HIPK2: variants seen among roughly 807,000 people sequenced by gnomAD.
The protein encoded by HIPK2 is homeodomain-interacting protein kinase 2.
A neutral mutation model predicts 113.7 loss-of-function variants in HIPK2; 27 were observed. That is an observed-to-expected ratio of 0.24 (90% CI 0.17 to 0.33). HIPK2 has a LOEUF of 0.33. Among genes scored for constraint, HIPK2 ranks in the 10% least tolerant of loss-of-function variants. The probability of loss-of-function intolerance (pLI) is 1.00; values close to 1 mark genes in which losing one functional copy is unlikely to be tolerated. For missense variants in HIPK2, 1,257 were observed against 1,588.0 expected (o/e 0.79, Z 3.54); for synonymous variants, 631 against 642.2 (o/e 0.98, Z 0.26).
At chr7:139,637,346 G>A (rs192470878) in intron 2 of HIPK2, among the ~76,000 whole-genome samples, 2 of 152,312 alleles carry the variant, frequency 1.3e-5, no homozygotes, top group African/African-American at 4.8e-5. Flanking sequence ...TTGGGACCCT[G>A]CCCACCTCTC....
intron 2 of HIPK2, among the ~76,000 whole-genome samples, chr7:139,676,948 G>A (rs748680004): frequency 7.3e-5 from 11 of 149,938 alleles, no homozygotes; most frequent in Non-Finnish European, 1.2e-4. Context: ...TGCAACCTCC[G>A]CCTCCTGGGT....
chr7:139,733,912 C>T (rs964283838), intron 1 of HIPK2, among the ~76,000 whole-genome samples: 1 of 152,204 alleles, frequency 6.6e-6, no homozygotes, highest in Non-Finnish European at 1.5e-5. Flanking sequence ...GCTCCTTTGC[C>T]TGGTCAGTGA....
intron 2 of HIPK2, among the ~76,000 whole-genome samples, chr7:139,647,455 T>C (rs1463481648): frequency 6.6e-6 from 1 of 152,180 alleles, no homozygotes; most frequent in Non-Finnish European, 1.5e-5. Flanking sequence ...TTTATTTACT[T>C]TTAAGGAAAT....
At chr7:139,598,088 A>T (rs946848031) in intron 11 of HIPK2, among the ~76,000 whole-genome samples, 1 of 152,192 alleles carries the variant, frequency 6.6e-6, no homozygotes, top group African/African-American at 2.4e-5. Context: ...TTTGACTGAG[A>T]CCACATGTCA....
intron 10 of HIPK2, among the ~76,000 whole-genome samples, chr7:139,603,652 C>T (rs1250229478): frequency 2.0e-5 from 3 of 152,168 alleles, no homozygotes; most frequent in Admixed American, 6.5e-5. Context: ...AGAGTACCCC[C>T]GTCTCAAACA....
At position 139,596,923 on chromosome 7, in the gene HIPK2, G is replaced by A. The variant is rs1338755424; in HGVS notation, c.2511C>T (p.Asn837=). The stretch of plus-strand genomic sequence containing the variant: ...GCACCATGGCACAGCGGGGAGGTGT[G>A]TTCTCCTTGACACGCTTGGATCGCT... ...SPQRSKRVKE[N]TPPRCAMVHS... The change falls in exon 12 of 15, where the codon AAC becomes AAT. Residue 837 remains asparagine, a synonymous_variant. Coordinates refer to ENST00000406875, the MANE Select transcript of HIPK2 (RefSeq NM_022740.5). 1.2e-6 allele frequency: 2 copies of A among 1,613,270 alleles called. No individual in the cohort carries two copies. The highest frequency in any genetic ancestry group is 2.2e-5 in the East Asian group (1 of 44,866).
At position 139,565,699 on chromosome 7, in the gene HIPK2, T is replaced by C. The variant is rs1160004338; in HGVS notation, c.*7228A>G. ...CTAAGTCTTGTCTTTCTTCCACCTC[T>C]ACTTCTTTTTTTTTTTCTTTTTTTT... On this transcript the variant is annotated 3_prime_UTR_variant, in exon 15 of 15. Transcript: ENST00000406875. 6.6e-6 allele frequency: 1 copy of C among 151,612 alleles called. No homozygotes were observed. The highest frequency in any genetic ancestry group is 1.5e-5 in the Non-Finnish European group (1 of 67,894). The allele number at this position is 151,612 out of a possible 1,614,324, so 9.4% of individuals were successfully genotyped here. A position where few individuals can be genotyped will look rare whatever the true frequency, so the allele number is the denominator to read the frequency against.
chr7:139,722,867 C>CT (rs879295646), intron 1 of HIPK2, among the ~76,000 whole-genome samples: 2,158 of 144,268 alleles, frequency 0.015, 47 homozygotes, highest in African/African-American at 0.048. Context: ...GATCTAAATT[C>CT]TTTTTTTTTT....
Position 139,565,750 on chromosome 7 carries a change from A to AG in HIPK2, c.*7176dup, listed in dbSNP as rs1465161799. On this transcript the variant is annotated 3_prime_UTR_variant, in exon 15 of 15. Coordinates refer to ENST00000406875, the MANE Select transcript of HIPK2 (RefSeq NM_022740.5). ...TTCTTTTTTTTAACAGAAAGAAAAA[A>AG]GTTCCTGGACACCAGACCCACATAT... 1.3e-5 allele frequency: 2 copies of AG among 150,822 alleles called. No individual in the cohort carries two copies. Among genetic ancestry groups the AG allele is most frequent in the African/African-American group, 4.9e-5 (2 of 40,966 alleles). 9.3% of individuals were successfully genotyped at this position (150,822 alleles called of 1,614,324 possible).
intron 9 of HIPK2, among the ~76,000 whole-genome samples, chr7:139,604,861 C>T (rs1799567445): frequency 1.3e-5 from 2 of 152,100 alleles, no homozygotes; most frequent in African/African-American, 4.8e-5. Context: ...CTTGTTCTGT[C>T]CCACAACTAT....
chr7:139,666,776 A>C (rs1350804689), intron 2 of HIPK2, among the ~76,000 whole-genome samples: 1 of 152,196 alleles, frequency 6.6e-6, no homozygotes, highest in Non-Finnish European at 1.5e-5. Context: ...AAAAATCCAC[A>C]TTCTGGCTGG....
Position 139,613,234 on chromosome 7 carries a change from G to A in HIPK2, c.2080C>T (p.Pro694Ser), listed in dbSNP as rs1416430869. The change falls in exon 9 of 15, where the codon CCT (proline) becomes TCT (serine). Residue 694 changes from proline to serine, a missense_variant. Physicochemically the swap from Pro to Ser is moderately conservative, Grantham distance 74. Around this residue, in one of 5 missense-constraint regions of HIPK2, gnomAD observed 862 missense variants for 1,004.3 expected, o/e 0.86. Transcript: ENST00000406875. The surrounding 1 kb of genome is among the most constrained non-coding windows in gnomAD (Gnocchi z 4.2). ...AGCAGACCTGGTTGGATCTGAAGAG[G>A]CTGAGCTCCTGGGGCTTGAGTGACG... is the stretch of plus-strand genomic sequence containing the variant. ...PIVTQAPGAQ[P>S]LQIQPGLLAQ... 6 of 1,613,742 alleles carry A rather than the reference G, an allele frequency of 3.7e-6. No individual in the cohort carries two copies. In the Admixed American group the frequency reaches 8.3e-5, roughly 22 times the overall value.
At chr7:139,649,499 A>G (rs773091234) in intron 2 of HIPK2, among the ~76,000 whole-genome samples, 2 of 152,146 alleles carry the variant, frequency 1.3e-5, no homozygotes, top group Non-Finnish European at 2.9e-5. Flanking sequence ...GTTAAAATGA[A>G]TATTAAGGGT....
At chr7:139,689,260 C>T (rs1188390763) in intron 2 of HIPK2, among the ~76,000 whole-genome samples, 2 of 152,102 alleles carry the variant, frequency 1.3e-5, no homozygotes, top group Non-Finnish European at 2.9e-5. Context: ...CAGAGAAAAG[C>T]GGTCATATTT....
intron 1 of HIPK2, among the ~76,000 whole-genome samples, chr7:139,725,888 C>T (rs561906701): frequency 3.5e-4 from 54 of 152,336 alleles, no homozygotes; most frequent in Non-Finnish European, 6.5e-4. Context: ...CAAATCCATG[C>T]CACCAGCCAA....
chr7:139,728,104 T>C (rs922471284), intron 1 of HIPK2, among the ~76,000 whole-genome samples: 2 of 151,984 alleles, frequency 1.3e-5, no homozygotes, highest in African/African-American at 4.8e-5. Context: ...CATGCCTGCC[T>C]AATTTATTTT....
At chr7:139,669,627 G>A (rs1025058726) in intron 2 of HIPK2, among the ~76,000 whole-genome samples, 3 of 115,154 alleles carry the variant, frequency 2.6e-5, no homozygotes, top group East Asian at 3.2e-4. Flanking sequence ...TGTTTCATTC[G>A]CAAAAACACT....
chr7:139,584,147 G>A (rs1460630799), intron 12 of HIPK2, 83 bp from the exon 13 acceptor site: 7 of 1,513,400 alleles, frequency 4.6e-6, no homozygotes, highest in Non-Finnish European at 6.2e-6. Context: ...CCTGGGGCAG[G>A]GGAGGGAGGC....
At chr7:139,650,357 A>C (rs1475739650) in intron 2 of HIPK2, among the ~76,000 whole-genome samples, 1 of 151,930 alleles carries the variant, frequency 6.6e-6, no homozygotes, top group East Asian at 1.9e-4. Flanking sequence ...CTCAAAAAAA[A>C]AAAAAAAAAA....
Sources: gnomAD v4.1 joint callset for allele counts (sites outside exome capture counted in the v4.1 genomes callset) on GRCh38, gnomAD v4.1.1 for gene constraint, gnomAD v4.1.1 regional missense constraint, Gnocchi (gnomAD v3.1) non-coding constraint, MANE v1.5 for transcripts, NCBI Gene and HGNC (gene_info 2026-07-23, HGNC 2026-07-21) for gene names.